Variants in GRM8 observed in about 807,000 individuals in gnomAD.
GRM8 encodes glutamate metabotropic receptor 8.
Under a neutral mutation model 87.2 loss-of-function variants are expected in GRM8, and 47 were observed. The ratio of observed to expected loss-of-function variants is 0.54; its 90% CI spans 0.43 to 0.69. The LOEUF is 0.69. Among genes scored for constraint, GRM8 ranks in the 30% least tolerant of loss-of-function variants. The pLI is 0.00. For synonymous variants in GRM8, 396 were observed against 404.5 expected (o/e 0.98, Z 0.25); for missense variants, 1,019 against 1,139.2 (o/e 0.89, Z 1.52).
chr7:126,456,388 T>G (rs923062717), intron 9 of GRM8, among the ~76,000 whole-genome samples: 3 of 151,342 alleles, frequency 2.0e-5, no homozygotes, highest in Non-Finnish European at 4.4e-5. Context: ...ATCTGGAATT[T>G]GGGGTTATCA....
chr7:127,167,907 C>T (rs1793550199), intron 2 of GRM8, among the ~76,000 whole-genome samples: 1 of 152,106 alleles, frequency 6.6e-6, no homozygotes, highest in Non-Finnish European at 1.5e-5. Context: ...CATGAAAACC[C>T]TAGAAGAAAA....
intron 8 of GRM8, among the ~76,000 whole-genome samples, chr7:126,608,809 G>C (rs1415840929): frequency 6.7e-6 from 1 of 149,820 alleles, no homozygotes; most frequent in Non-Finnish European, 1.5e-5. Context: ...TGACGCCCAG[G>C]CTAGAGTGCA....
In GRM8 at chr7:126,528,945, C is replaced by A. The variant is rs538554345; in HGVS notation, c.2430+4007G>T. Among the ~76,000 whole-genome samples, 3 of 152,228 alleles carry A rather than the reference C, an allele frequency of 2.0e-5. No individual in the cohort carries two copies. In the East Asian group the frequency reaches 5.8e-4, roughly 29 times the overall value. On this transcript the variant is annotated intron_variant, in intron 9 of 10. Transcript: ENST00000339582. ...ACCTGTGTACCCCTACACTCTTCTGCCCCTAAGGTAGATAAATAGAGAAAA... is the reference window on the plus strand; with the variant it reads ...ACCTGTGTACCCCTACACTCTTCTGACCCTAAGGTAGATAAATAGAGAAAA...
In GRM8 at chr7:127,004,394, T is replaced by A. The variant is rs1386847894; in HGVS notation, c.728-99711A>T. Among the ~76,000 whole-genome samples, 3 of 151,478 alleles carry A rather than the reference T, an allele frequency of 2.0e-5. 1 individual carries two copies. Among genetic ancestry groups the A allele is most frequent in the Non-Finnish European group, 4.4e-5 (3 of 67,660 alleles). On this transcript the variant is annotated intron_variant, in intron 3 of 10. Transcript: ENST00000339582. Reference sequence around the variant, plus strand: ...CACTAGAGGAAACATTTGAGAAACATCACAGTAATGCAGATAAAAGACACA... The same window carrying A: ...CACTAGAGGAAACATTTGAGAAACAACACAGTAATGCAGATAAAAGACACA...
chr7:127,181,388 G>A (rs923509415), intron 2 of GRM8, among the ~76,000 whole-genome samples: 1 of 152,084 alleles, frequency 6.6e-6, no homozygotes. Flanking sequence ...CATGGGATGG[G>A]TAGAATCAAT....
intron 7 of GRM8, among the ~76,000 whole-genome samples, chr7:126,666,661 TAGG>T (rs1325302127): frequency 6.6e-6 from 1 of 151,208 alleles, no homozygotes; most frequent in African/African-American, 2.4e-5. Flanking sequence ...AAAAAAATAA[TAGG>T]AGAGTAAATT....
At chr7:126,446,082 A>C (rs752011945) in intron 10 of GRM8, 44 bp downstream of exon 10, 16 of 1,609,180 alleles carry the variant, frequency 9.9e-6, no homozygotes, top group Non-Finnish European at 1.4e-5. Context: ...TCTATTAGGA[A>C]GTGCTCCCGC....
chr7:127,147,460 T>C (rs1235267544), intron 2 of GRM8, among the ~76,000 whole-genome samples: 1 of 152,040 alleles, frequency 6.6e-6, no homozygotes, highest in Non-Finnish European at 1.5e-5. Flanking sequence ...GGTACTTCTC[T>C]GCTAACTACT....
intron 3 of GRM8, among the ~76,000 whole-genome samples, chr7:127,052,986 C>CA (rs1169228625): frequency 6.6e-6 from 1 of 151,950 alleles, no homozygotes; most frequent in African/African-American, 2.4e-5. Flanking sequence ...TTCCAATGTA[C>CA]AAAAAATATA....
intron 2 of GRM8, among the ~76,000 whole-genome samples, chr7:127,114,039 A>G (rs1445306345): frequency 6.6e-6 from 1 of 152,168 alleles, no homozygotes; most frequent in Non-Finnish European, 1.5e-5. Flanking sequence ...TGAAACAAAA[A>G]AGAAGATGGA....
At chr7:126,568,646 AC>A (rs1554402714) in intron 8 of GRM8, among the ~76,000 whole-genome samples, 35 of 152,196 alleles carry the variant, frequency 2.3e-4, no homozygotes, top group Non-Finnish European at 2.9e-5. Context: ...GATAAAAAGT[AC>A]TACAAAAATT....
At chr7:127,046,993 T>C (rs570254314) in intron 3 of GRM8, among the ~76,000 whole-genome samples, 1 of 152,368 alleles carries the variant, frequency 6.6e-6, no homozygotes, top group African/African-American at 2.4e-5. Context: ...GATTTCATCA[T>C]GAATAGGTCT....
chr7:126,536,608 A>C (rs1165002026), intron 8 of GRM8, among the ~76,000 whole-genome samples: 2 of 152,194 alleles, frequency 1.3e-5, no homozygotes, highest in Non-Finnish European at 2.9e-5. Flanking sequence ...AGGAAGAAAG[A>C]AATAAAGGTA....
rs146689924 is a variant in GRM8, at chr7:126,574,873, A to C, written c.1494+34489T>G. Among the ~76,000 whole-genome samples, 643 of 152,186 alleles carry C rather than the reference A, an allele frequency of 4.2e-3. 11 individuals are homozygous for C. Among genetic ancestry groups the C allele is most frequent in the South Asian group, 0.042 (203 of 4,818 alleles). On this transcript the variant is annotated intron_variant, in intron 8 of 10. Coordinates refer to ENST00000339582, the MANE Select transcript of GRM8 (RefSeq NM_000845.3). ...CTGACTGTTAAGGTGTGGACTCAGC[A>C]CTTCCTGTGAAGAGGTTCCCTGATG...
chr7:126,862,277 G>GAGAT (rs948822490), intron 6 of GRM8, among the ~76,000 whole-genome samples: 1 of 151,754 alleles, frequency 6.6e-6, no homozygotes, highest in African/African-American at 2.4e-5. Context: ...GTCAGTTTCT[G>GAGAT]AGATCTCTAT....
At chr7:126,456,519 TAAAAAAAAAA>T (rs513) in intron 9 of GRM8, among the ~76,000 whole-genome samples, 31,816 of 70,528 alleles carry the variant, frequency 0.45, 4,968 homozygotes, top group East Asian at 0.57. Flanking sequence ...AGCAGCAAGC[TAAAAAAAAAA>T]AAAAAAAAAA....
chr7:126,510,812 A>G (rs1811252699), intron 9 of GRM8, among the ~76,000 whole-genome samples: 1 of 152,088 alleles, frequency 6.6e-6, no homozygotes, highest in Admixed American at 6.6e-5. Context: ...CTCTGCACAT[A>G]TTCCTTCACT....
chr7:127,035,614 T>C (rs1055505446), intron 3 of GRM8, among the ~76,000 whole-genome samples: 5 of 152,158 alleles, frequency 3.3e-5, no homozygotes, highest in African/African-American at 1.2e-4. Context: ...CTCTCTATCT[T>C]CCACCTTCAG....
At chr7:126,551,373 T>C (rs1338757895) in intron 8 of GRM8, among the ~76,000 whole-genome samples, 1 of 152,216 alleles carries the variant, frequency 6.6e-6, no homozygotes, top group Non-Finnish European at 1.5e-5. Flanking sequence ...GCTGGTTCAC[T>C]ATTCTTGTTG....
Sources: allele counts gnomAD v4.1 joint callset (sites outside exome capture counted in the v4.1 genomes callset), GRCh38; gene constraint gnomAD v4.1.1; transcripts MANE v1.5; gene names NCBI Gene and HGNC (gene_info 2026-07-23, HGNC 2026-07-21).